HLCS: variants seen among roughly 807,000 people sequenced by gnomAD.
HLCS encodes the protein biotin--protein ligase.
In HLCS, 53 loss-of-function variants were observed where a neutral mutation model predicts 75.0. The ratio of observed to expected loss-of-function variants is 0.71; its 90% confidence interval spans 0.57 to 0.89. The LOEUF (loss-of-function observed/expected upper bound fraction) is 0.89. HLCS is among the 40% of genes least tolerant of loss of function. The pLI is 0.00. For synonymous variants in HLCS, 431 were observed against 428.6 expected (o/e 1.01, Z -0.07); for missense variants, 966 against 1,074.0 (o/e 0.90, Z 1.41).
intron 6 of HLCS, among the ~76,000 whole-genome samples, chr21:36,825,511 C>CTA (rs1442527845): frequency 6.6e-6 from 1 of 151,952 alleles, no homozygotes; most frequent in African/African-American, 2.4e-5. Context: ...ATATATTGTT[C>CTA]TACGTGATTA....
chr21:36,982,580 C>T (rs1260098452), intron 1 of HLCS, among the ~76,000 whole-genome samples: 2 of 152,186 alleles, frequency 1.3e-5, no homozygotes, highest in Admixed American at 6.5e-5. Flanking sequence ...GGTCCTCAAA[C>T]ACAAAGCTTC....
rs2145731986 is a variant in HLCS at position 36,756,724 on chromosome 21, A to G, written c.2268T>C (p.Pro756=). ...TGATGAGGTCGTTGATGCAGATGGT[A>G]GGGTTACTGTTAGTCACATTAAATC... is the stretch of plus-strand genomic sequence containing the variant. The part of the protein sequence containing the change: ...GCGFNVTNSN[P]TICINDLITE... The change falls in exon 10 of 11, where the codon CCT becomes CCC. Residue 756 remains proline (P), a synonymous_variant. Coordinates refer to ENST00000674895, the MANE Select transcript of HLCS (RefSeq NM_001352514.2). 1.2e-6 allele frequency: 2 copies of G among 1,614,160 alleles called. No individual in the cohort carries two copies. Among genetic ancestry groups the G allele is most frequent in the Non-Finnish European group, 1.7e-6 (2 of 1,180,010 alleles).
At chr21:36,982,452 T>G (rs117404921) in intron 1 of HLCS, among the ~76,000 whole-genome samples, 1 of 152,230 alleles carries the variant, frequency 6.6e-6, no homozygotes, top group African/African-American at 2.4e-5. Context: ...GTTATACCAA[T>G]GTACACTCCC....
chr21:36,893,178 C>T (rs1222853208), intron 6 of HLCS, among the ~76,000 whole-genome samples: 1 of 152,180 alleles, frequency 6.6e-6, no homozygotes, highest in Non-Finnish European at 1.5e-5. Context: ...TCAAGCAATT[C>T]TCCTGCCTCA....
intron 6 of HLCS, among the ~76,000 whole-genome samples, chr21:36,870,777 T>C (rs2063741066): frequency 6.6e-6 from 1 of 152,166 alleles, no homozygotes; most frequent in Admixed American, 6.5e-5. Flanking sequence ...AAAATTCAAA[T>C]ACTAAGAGAA....
intron 1 of HLCS, among the ~76,000 whole-genome samples, chr21:36,966,234 G>A (rs1227319264): frequency 6.6e-6 from 1 of 152,154 alleles, no homozygotes; most frequent in African/African-American, 2.4e-5. Flanking sequence ...GGCTGGCCGG[G>A]AAGAGGCGAC....
At chr21:36,859,253 C>T (rs1010260400) in intron 6 of HLCS, among the ~76,000 whole-genome samples, 1 of 152,128 alleles carries the variant, frequency 6.6e-6, no homozygotes, top group East Asian at 1.9e-4. Flanking sequence ...AAACTCCTGA[C>T]CTCGTGATCT....
intron 10 of HLCS, 78 bp downstream of exon 10, chr21:36,756,450 CAAAAAAAAAAAAAA>C (rs56071863): frequency 1.6e-5 from 6 of 369,596 alleles, no homozygotes; most frequent in African/African-American, 4.8e-5. Context: ...GACTCCGTCT[CAAAAAAAAAAAAAA>C]AAAAAAAAAA....
chr21:36,946,207 G>T, intron 2 of HLCS: 2 of 357,784 alleles, frequency 5.6e-6, no homozygotes, highest in Non-Finnish European at 7.8e-6. Context: ...ACAGTTTGTG[G>T]CCCTCCAAGG....
chr21:36,766,100 C>T (rs10154119), intron 7 of HLCS, among the ~76,000 whole-genome samples: 62,121 of 152,034 alleles, frequency 0.41, 13,219 homozygotes, highest in South Asian at 0.52. Context: ...AATGCAGTGG[C>T]GTGATTACAG....
intron 6 of HLCS, among the ~76,000 whole-genome samples, chr21:36,795,689 T>C (rs565821651): frequency 7.9e-5 from 12 of 152,216 alleles, no homozygotes; most frequent in African/African-American, 2.9e-4. Context: ...GCCTGAGACA[T>C]CCTGCCTTAG....
Position 36,833,337 on chromosome 21 carries a change from C to A in HLCS, c.1892+63523G>T, listed in dbSNP as rs1485385376. On this transcript the variant is annotated intron_variant, in intron 6 of 10. Coordinates refer to ENST00000674895, the MANE Select transcript of HLCS (RefSeq NM_001352514.2). ...CAATGGCTCACACCTGTAATCTCAG[C>A]ACTTTGGGAGGCCAAGGTGGGTGGA... Among the ~76,000 whole-genome samples, 3 of 151,000 alleles carry A rather than the reference C, an allele frequency of 2.0e-5. No homozygotes were observed. The East Asian group carries it at 6.0e-4, about 30-fold the overall frequency.
rs138839265 is a variant in HLCS, at chr21:36,988,853, C to T, written c.-393+1305G>A. ...GTCATTTTTGTGCAGATTGTCAGTT[C>T]ATGTTTTTTGCCTATTTGGTCTTTG... On this transcript the variant is annotated intron_variant, in intron 1 of 11. Coordinates refer to the HLCS transcript ENST00000336648. Among the ~76,000 whole-genome samples the T allele has an allele frequency of 2.8e-3, 421 of 152,202 alleles. 1 individual carries two copies. The highest frequency in any genetic ancestry group is 4.6e-3 in the Non-Finnish European group (314 of 68,006).
intron 6 of HLCS, among the ~76,000 whole-genome samples, chr21:36,800,134 G>A (rs978924799): frequency 2.0e-5 from 3 of 152,030 alleles, no homozygotes; most frequent in African/African-American, 4.8e-5. Context: ...AAATGACCCC[G>A]CAGACTCTGT....
chr21:36,943,822 A>AC (rs2067260327), intron 2 of HLCS: 2 of 152,600 alleles, frequency 1.3e-5, no homozygotes, highest in Non-Finnish European at 2.9e-5. Context: ...CTGTCTAAAA[A>AC]AAAAAAAAAA....
intron 1 of HLCS, among the ~76,000 whole-genome samples, chr21:36,976,413 T>TAC (rs1443474104): frequency 9.8e-6 from 1 of 102,404 alleles, no homozygotes; most frequent in African/African-American, 3.6e-5. Context: ...CACACACGCA[T>TAC]ACACACACAG....
chr21:36,942,504 T>C (rs1209161591), intron 2 of HLCS, among the ~76,000 whole-genome samples: 1 of 146,530 alleles, frequency 6.8e-6, no homozygotes, highest in Non-Finnish European at 1.5e-5. Context: ...AAGACCTCAA[T>C]ATAAGAGCTA....
In HLCS at chr21:36,896,971, G is replaced by A. The variant is rs973578825; in HGVS notation, c.1781C>T (p.Ser594Leu). The stretch of plus-strand genomic sequence containing the variant: ...GATCTCTAAGTTGAAATGTTCTGAT[G>A]AGAAGGCCTCCATGTTGGTCACCAC... Reference protein sequence around the residue: ...IPVVTNMEAFSSEHFNLEIYR... With the variant: ...IPVVTNMEAFLSEHFNLEIYR... Residue 594 changes from serine to leucine, a missense_variant, in exon 6 of 11, where the codon TCA (serine) becomes TTA (leucine). Ser to Leu is a moderately radical substitution (Grantham distance 145). Coordinates refer to ENST00000674895, the MANE Select transcript of HLCS (RefSeq NM_001352514.2). The A allele has an allele frequency of 3.7e-6, 6 of 1,614,154 alleles. No individual in the cohort carries two copies. The highest frequency in any genetic ancestry group is 3.3e-4 in the Middle Eastern group (2 of 6,060).
intron 6 of HLCS, among the ~76,000 whole-genome samples, chr21:36,863,359 A>G (rs1180017458): frequency 6.6e-6 from 1 of 152,126 alleles, no homozygotes; most frequent in Admixed American, 6.5e-5. Context: ...AAGGAATCAG[A>G]TGGAAAATGT....
Sources: allele counts gnomAD v4.1 joint callset (sites outside exome capture counted in the v4.1 genomes callset), GRCh38; gene constraint gnomAD v4.1.1; transcripts MANE v1.5; gene names NCBI Gene and HGNC (gene_info 2026-07-23, HGNC 2026-07-21).